Variants in VPS11 observed in about 807,000 individuals in gnomAD.
The protein encoded by VPS11 is VPS11 core subunit of CORVET and HOPS complexes, also known as vacuolar protein sorting-associated protein 11 homolog.
VPS11 carries 51 observed loss-of-function variants against 106.8 expected under a neutral mutation model. The observed-to-expected ratio is 0.48, with a 90% CI of 0.38 to 0.60. VPS11 has a LOEUF of 0.60. VPS11 is among the 20% of genes least tolerant of loss of function. The pLI is 0.00. For missense variants in VPS11, 950 were observed against 1,190.0 expected (o/e 0.80, Z 2.97); for synonymous variants, 453 against 458.7 (o/e 0.99, Z 0.16).
At chr11:119,074,175 C>T (rs556596858) in intron 7 of VPS11, among the ~76,000 whole-genome samples, 3 of 152,116 alleles carry the variant, frequency 2.0e-5, no homozygotes, top group Admixed American at 1.3e-4. Context: ...AACCTTCCCT[C>T]CTGGGTTCAC....
intron 11 of VPS11, 25 bp from the exon 12 acceptor site, chr11:119,078,540 C>G: frequency 6.2e-7 from 1 of 1,600,612 alleles, no homozygotes; most frequent in Non-Finnish European, 8.6e-7. Context: ...TTTTGTCCAG[C>G]AGCTCTGCCC....
chr11:119,073,857 C>G lies in VPS11; in HGVS notation c.1144C>G (p.Leu382Val), dbSNP rs782680882. 1 of 1,613,896 alleles carries G rather than the reference C, an allele frequency of 6.2e-7. No individual in the cohort carries two copies. Among genetic ancestry groups the G allele is most frequent in the Non-Finnish European group, 8.5e-7 (1 of 1,179,780 alleles). ...GATTAACCTTGCCAAGAGCCAGCAT[C>G]TGGACAGTGATGGGCTGGCCCAGAT... ...MAINLAKSQH[L>V]DSDGLAQIFM... Residue 382 changes from leucine (L) to valine (V), a missense_variant, in exon 7 of 16, where the codon CTG becomes GTG. Around this residue, in one of 3 missense-constraint regions of VPS11, gnomAD observed 435 missense variants for 630.2 expected, o/e 0.69. Transcript: ENST00000621676.
rs1945396672 is a variant in VPS11, at chr11:119,071,640, C to A, written c.681C>A (p.Asp227Glu). ...AAGACTACCCTCGCGTGGAGTTGGACACCCATGGTTGTGGCCTGCGCTGCT... is the reference window on the plus strand; with the variant it reads ...AAGACTACCCTCGCGTGGAGTTGGAAACCCATGGTTGTGGCCTGCGCTGCT... ...SGKDYPRVEL[D>E]THGCGLRCSA... is the part of the protein sequence containing the mutation. The change falls in exon 5 of 16, where the codon GAC (aspartate) becomes GAA (glutamate). Residue 227 changes from aspartate (D) to glutamate (E), a missense_variant. Asp to Glu is a conservative substitution (Grantham distance 45). Transcript: ENST00000621676. 2 of 1,613,910 alleles carry A rather than the reference C, an allele frequency of 1.2e-6. No individual in the cohort carries two copies. Among genetic ancestry groups the A allele is most frequent in the Non-Finnish European group, 1.7e-6 (2 of 1,179,914 alleles).
intron 1 of VPS11, among the ~76,000 whole-genome samples, chr11:119,068,729 A>C (rs1945227670): frequency 6.6e-6 from 1 of 150,686 alleles, no homozygotes; most frequent in South Asian, 2.1e-4. Context: ...TACAGGAGTG[A>C]GCCATCGCGC....
intron 7 of VPS11, among the ~76,000 whole-genome samples, chr11:119,074,821 T>TA (rs199958089): frequency 0.013 from 1,924 of 152,330 alleles, 44 homozygotes; most frequent in African/African-American, 0.042. Flanking sequence ...AGCCGATGAT[T>TA]ACCTCTCATT....
chr11:119,080,941 C>T, intron 14 of VPS11, 151 bp from the exon 15 acceptor site: 1 of 700,116 alleles, frequency 1.4e-6, no homozygotes, highest in Non-Finnish European at 2.5e-6. Context: ...ATTCATTTGA[C>T]TCCCTTAAGG....
chr11:119,079,324 A>G, intron 14 of VPS11, 24 bp downstream of exon 14: 1 of 1,564,046 alleles, frequency 6.4e-7, no homozygotes, highest in Non-Finnish European at 8.7e-7. Context: ...GGATATGTGG[A>G]GGAGTCCAGG....
At chr11:119,079,348 T>C in intron 14 of VPS11, 48 bp downstream of exon 14, 1 of 1,526,314 alleles carries the variant, frequency 6.6e-7, no homozygotes, top group Non-Finnish European at 8.8e-7. Context: ...TAACTTGCCC[T>C]TCACAGGGTA....
chr11:119,077,962 A>G lies in VPS11; in HGVS notation c.1657A>G (p.Met553Val), dbSNP rs781993267. 133 of 1,613,884 alleles carry G rather than the reference A, an allele frequency of 8.2e-5. No homozygotes were observed. Among genetic ancestry groups the G allele is most frequent in the Non-Finnish European group, 1.0e-4 (120 of 1,179,902 alleles). Residue 553 changes from methionine to valine, a missense_variant, in exon 10 of 16, where the codon ATG becomes GTG. Met to Val is a conservative substitution (Grantham distance 21, BLOSUM62 1). Around this residue, in one of 3 missense-constraint regions of VPS11, gnomAD observed 453 missense variants for 514.6 expected, o/e 0.88. Coordinates refer to ENST00000621676, the MANE Select transcript of VPS11 (RefSeq NM_021729.6). ...SNMKRYGKIL[M>V]HHIPEQTTQL... ...CATGAAGCGCTACGGCAAGATCCTC[A>G]TGCACCACATACCAGAGCAGACAAC...
Position 119,069,225 on chromosome 11 carries a change from C to T in VPS11, c.217C>T (p.Arg73Cys), listed in dbSNP as rs782373350. ...GGAAGGCCAGATCTGGTTCTTGCCA[C>T]GTTCCCTACAGCTTACAGGCTTCCA... Reference protein sequence around the residue: ...DMEGQIWFLPRSLQLTGFQAY... With the variant: ...DMEGQIWFLPCSLQLTGFQAY... The change falls in exon 2 of 16, where the codon CGT (arginine) becomes TGT (cysteine). Residue 73 changes from arginine (R) to cysteine (C), a missense_variant. Coordinates refer to ENST00000621676, the MANE Select transcript of VPS11 (RefSeq NM_021729.6). 22 of 1,613,858 alleles carry T rather than the reference C, an allele frequency of 1.4e-5. No individual in the cohort carries two copies. Among genetic ancestry groups the T allele is most frequent in the African/African-American group, 5.3e-5 (4 of 74,902 alleles).
chr11:119,068,444 C>CTCT (rs1945212055), intron 1 of VPS11, among the ~76,000 whole-genome samples: 3 of 128,120 alleles, frequency 2.3e-5, no homozygotes, highest in African/African-American at 3.4e-5. Context: ...GCCTTTTTAC[C>CTCT]TTTTTTTTTT....
chr11:119,081,892 T>G lies in VPS11; in HGVS notation c.*269T>G, dbSNP rs1565746995. The G allele has an allele frequency of 1.7e-5, 8 of 467,000 alleles. No homozygotes were observed. The highest frequency in any genetic ancestry group is 1.9e-5 in the African/African-American group (1 of 51,520). 28.9% of individuals were successfully genotyped at this position (467,000 alleles called of 1,614,324 possible). On this transcript the variant is annotated 3_prime_UTR_variant, in exon 16 of 16. Transcript: ENST00000621676. ...CTCTGAGTGTGGACAATAGCTGCTT[T>G]CTTCTCTATCCAAGAGCACCAGGCT... is the stretch of plus-strand genomic sequence containing the variant.
At chr11:119,077,215 T>A in intron 8 of VPS11, 132 bp downstream of exon 8, 1 of 1,195,000 alleles carries the variant, frequency 8.4e-7, no homozygotes, top group Admixed American at 2.6e-5. Context: ...TGGCTGTTCC[T>A]GTTAGTTCGG....
At chr11:119,076,803 T>A in intron 7 of VPS11, 94 bp from the exon 8 acceptor site, 1 of 1,420,228 alleles carries the variant, frequency 7.0e-7, no homozygotes, top group South Asian at 1.3e-5. Flanking sequence ...TGAAATAGAA[T>A]TTGCATTTTG....
intron 4 of VPS11, 31 bp downstream of exon 4, chr11:119,070,428 G>A (rs1945334034): frequency 6.3e-7 from 1 of 1,584,244 alleles, no homozygotes. Flanking sequence ...CTTAGGAGCA[G>A]GCAGGGAGGG....
At chr11:119,077,703 C>A in intron 9 of VPS11, 56 bp downstream of exon 9, 1 of 1,546,028 alleles carries the variant, frequency 6.5e-7, no homozygotes. Context: ...GTTGCCCAGG[C>A]TGGAGTTGAA....
rs782143074 is a variant in VPS11, at chr11:119,081,219, G to A, written c.2566G>A (p.Asp856Asn). Residue 856 changes from aspartate to asparagine, a missense_variant, in exon 15 of 16, where the codon GAC becomes AAC. Asp to Asn is a conservative substitution (Grantham distance 23). This residue lies in a region of VPS11 where 453 missense variants were observed against 514.6 expected (regional missense o/e 0.88). Coordinates refer to ENST00000621676, the MANE Select transcript of VPS11 (RefSeq NM_021729.6). The stretch of plus-strand genomic sequence containing the variant: ...TGAGAGTTACTCGGAAAGTGATGCT[G>A]ACTGCCCCACCTGCCTCCCTGAAAA... Reference protein sequence around the residue: ...CFESYSESDADCPTCLPENRK... With the variant: ...CFESYSESDANCPTCLPENRK... The A allele has an allele frequency of 2.5e-6, 4 of 1,613,982 alleles. No individual in the cohort carries two copies. The South Asian group carries it at 4.4e-5, about 18-fold the overall frequency.
chr11:119,068,239 A>T (rs1945196954), intron 1 of VPS11: 2 of 452,678 alleles, frequency 4.4e-6, no homozygotes, highest in Non-Finnish European at 7.7e-6. Context: ...TAATTTCCTT[A>T]TCTGTAGGAG....
At chr11:119,070,611 C>CTTTT (rs10636140) in intron 4 of VPS11, 357 of 254,674 alleles carry the variant, frequency 1.4e-3, no homozygotes, top group South Asian at 2.8e-3. Context: ...AATTTTCTTT[C>CTTTT]TTTTTTTTTT....
Sources: allele counts gnomAD v4.1 joint callset (sites outside exome capture counted in the v4.1 genomes callset), GRCh38; gene constraint gnomAD v4.1.1; regional missense constraint gnomAD v4.1.1; transcripts MANE v1.5; gene names NCBI Gene and HGNC (gene_info 2026-07-23, HGNC 2026-07-21).